STAG1: variants seen among roughly 807,000 people sequenced by gnomAD.
STAG1 encodes the protein STAG1 cohesin complex component.
STAG1 carries 26 observed loss-of-function variants against 170.9 expected under a neutral mutation model. The ratio of observed to expected loss-of-function variants is 0.15; its 90% confidence interval spans 0.11 to 0.21. The LOEUF (loss-of-function observed/expected upper bound fraction) is 0.21. Among genes scored for constraint, STAG1 ranks in the 10% least tolerant of loss-of-function variants. STAG1 has a pLI of 1.00. For missense variants in STAG1, 964 were observed against 1,509.5 expected (o/e 0.64, Z 5.99); for synonymous variants, 514 against 497.7 (o/e 1.03, Z -0.44).
chr3:136,552,676 C>A (rs1282695924), intron 5 of STAG1, among the ~76,000 whole-genome samples: 1 of 152,118 alleles, frequency 6.6e-6, no homozygotes, highest in African/African-American at 2.4e-5. Context: ...TAAGGCTAAA[C>A]CAGGGGTCAA....
At chr3:136,592,783 G>A (rs1423725372) in intron 4 of STAG1, among the ~76,000 whole-genome samples, 1 of 152,252 alleles carries the variant, frequency 6.6e-6, no homozygotes, top group East Asian at 1.9e-4. Flanking sequence ...GCATTCTGGG[G>A]CTGCCACAGG....
intron 7 of STAG1, among the ~76,000 whole-genome samples, chr3:136,510,536 A>C (rs1934007627): frequency 6.6e-6 from 1 of 151,618 alleles, no homozygotes; most frequent in East Asian, 2.0e-4. Flanking sequence ...TCGGCCTCTA[A>C]AAGTGTTAGC....
intron 13 of STAG1, among the ~76,000 whole-genome samples, chr3:136,457,377 C>A (rs777226961): frequency 1.3e-5 from 2 of 152,164 alleles, no homozygotes; most frequent in Admixed American, 6.5e-5. Context: ...AAATAGTAAA[C>A]TGTCACAGAT....
intron 5 of STAG1, among the ~76,000 whole-genome samples, chr3:136,565,542 G>A (rs1937045657): frequency 6.6e-6 from 1 of 152,176 alleles, no homozygotes; most frequent in Non-Finnish European, 1.5e-5. Context: ...TGTTGTTGAG[G>A]ATGTAGAAAA....
At chr3:136,419,043 A>T (rs2087866759) in intron 20 of STAG1, among the ~76,000 whole-genome samples, 1 of 152,188 alleles carries the variant, frequency 6.6e-6, no homozygotes. Context: ...GATAAAGATA[A>T]AACTCGGGGA....
chr3:136,739,543 G>T (rs1251124081), intron 1 of STAG1, among the ~76,000 whole-genome samples: 4 of 150,712 alleles, frequency 2.7e-5, no homozygotes, highest in Non-Finnish European at 5.9e-5. Flanking sequence ...AGAAAGGCTA[G>T]GTGTGGTGGC....
intron 5 of STAG1, among the ~76,000 whole-genome samples, chr3:136,553,431 C>A (rs550045193): frequency 6.6e-6 from 1 of 152,088 alleles, no homozygotes. Flanking sequence ...ATATATTCTA[C>A]GCCTACAGCA....
chr3:136,707,575 A>T (rs941687727), intron 1 of STAG1, among the ~76,000 whole-genome samples: 1 of 1,548 alleles, frequency 6.5e-4, no homozygotes, highest in African/African-American at 3.7e-3. Flanking sequence ...TAATGAAAAG[A>T]AGTTTCATGG....
At chr3:136,599,847 CAG>C (rs1238996215) in intron 4 of STAG1, among the ~76,000 whole-genome samples, 1 of 152,172 alleles carries the variant, frequency 6.6e-6, no homozygotes, top group East Asian at 1.9e-4. Context: ...TTGTATAAGA[CAG>C]AATTTCTTCT....
chr3:136,475,138 C>CTTTTTTTTTTTT (rs10686674), intron 10 of STAG1, among the ~76,000 whole-genome samples: 1 of 76,002 alleles, frequency 1.3e-5, no homozygotes, highest in Non-Finnish European at 2.3e-5. Flanking sequence ...TTATAGGTTC[C>CTTTTTTTTTTTT]TTTTTTTTTT....
At chr3:136,441,595 T>C (rs930846908) in intron 15 of STAG1, among the ~76,000 whole-genome samples, 7 of 152,194 alleles carry the variant, frequency 4.6e-5, no homozygotes, top group African/African-American at 1.7e-4. Flanking sequence ...AAAGCCAGAA[T>C]AGATAATACA....
chr3:136,565,055 AGGGAGGGAGGGAGGG>A (rs1937014704), intron 5 of STAG1, among the ~76,000 whole-genome samples: 2 of 3,824 alleles, frequency 5.2e-4, no homozygotes, highest in East Asian at 0.02. Context: ...GGAGGGAGGG[AGGGAGGGAGGGAGGG>A]AGGGAGGGAG....
intron 4 of STAG1, among the ~76,000 whole-genome samples, chr3:136,601,328 C>G (rs1418244600): frequency 6.6e-6 from 1 of 151,844 alleles, no homozygotes; most frequent in Non-Finnish European, 1.5e-5. Context: ...AAAAAAATTA[C>G]AAACGTTTAT....
chr3:136,650,235 AG>A (rs1472370194), intron 1 of STAG1, among the ~76,000 whole-genome samples: 4 of 151,098 alleles, frequency 2.6e-5, no homozygotes, highest in African/African-American at 4.8e-5. Context: ...GACCCTGTCA[AG>A]AAAAAAAAAA....
intron 7 of STAG1, 22 bp from the exon 8 acceptor site, chr3:136,502,801 T>G (rs1159566852): frequency 1.3e-6 from 2 of 1,544,110 alleles, no homozygotes; most frequent in Non-Finnish European, 1.7e-6. Flanking sequence ...AGAAATATTA[T>G]AATACCTATG....
At chr3:136,524,993 T>C (rs1342522971) in intron 6 of STAG1, among the ~76,000 whole-genome samples, 1 of 152,202 alleles carries the variant, frequency 6.6e-6, no homozygotes, top group Admixed American at 6.5e-5. Context: ...CAGATTCAGT[T>C]TGCCGGTATT....
At chr3:136,553,672 G>A (rs1936496490) in intron 5 of STAG1, among the ~76,000 whole-genome samples, 1 of 152,238 alleles carries the variant, frequency 6.6e-6, no homozygotes, top group Non-Finnish European at 1.5e-5. Flanking sequence ...TACTCAGGAG[G>A]CTGAGGCAGG....
chr3:136,348,109 G>T (rs1560048826), intron 29 of STAG1, among the ~76,000 whole-genome samples: 1 of 152,134 alleles, frequency 6.6e-6, no homozygotes, highest in South Asian at 2.1e-4. Flanking sequence ...GATGCTGAAA[G>T]ATAAGAAGTT....
In STAG1 at chr3:136,336,419, T is replaced by A. The variant is rs1057156781; in HGVS notation, c.*1835A>T. ...AACTGGAAACCCATTGGAGTAGATA[T>A]TTAGCCTTTTTGTGTGGCATGGTAG... is the stretch of plus-strand genomic sequence containing the variant. On this transcript the variant is annotated 3_prime_UTR_variant, in exon 34 of 34. Transcript: ENST00000383202. The A allele has an allele frequency of 2.0e-5, 3 of 152,244 alleles. No individual in the cohort carries two copies. The highest frequency in any genetic ancestry group is 4.4e-5 in the Non-Finnish European group (3 of 68,048). The allele number at this position is 152,244 out of a possible 1,614,324, so 9.4% of individuals were successfully genotyped here. A position where few individuals can be genotyped will look rare whatever the true frequency, so the allele number is the denominator to read the frequency against.
Sources: allele counts gnomAD v4.1 joint callset (sites outside exome capture counted in the v4.1 genomes callset), GRCh38; gene constraint gnomAD v4.1.1; transcripts MANE v1.5; gene names NCBI Gene and HGNC (gene_info 2026-07-23, HGNC 2026-07-21).